TUSC3: variants seen among roughly 807,000 people sequenced by gnomAD.
TUSC3 encodes the protein dolichyl-diphosphooligosaccharide--protein glycosyltransferase subunit TUSC3.
In TUSC3, 45 loss-of-function variants were observed where a neutral mutation model predicts 44.8. The observed-to-expected ratio is 1.00, with a 90% CI of 0.79 to 1.29. The LOEUF (loss-of-function observed/expected upper bound fraction) is 1.29, where lower values mean the gene tolerates loss of function less well. Among genes scored for constraint, TUSC3 ranks in the 50% most tolerant of loss-of-function variants. The probability of loss-of-function intolerance (pLI) is 0.00; values close to 1 mark genes in which losing one functional copy is unlikely to be tolerated. For synonymous variants in TUSC3, 212 were observed against 152.9 expected (o/e 1.39, Z -2.85); for missense variants, 519 against 437.9 (o/e 1.19, Z -1.65).
chr8:15,683,381 T>C (rs772756684), intron 6 of TUSC3, among the ~76,000 whole-genome samples: 1 of 152,162 alleles, frequency 6.6e-6, no homozygotes, highest in Non-Finnish European at 1.5e-5. Context: ...TGGGTTGATT[T>C]GAAGGAGTGA....
At chr8:15,486,035 C>T (rs1282786885) in intron 2 of TUSC3, among the ~76,000 whole-genome samples, 1 of 152,080 alleles carries the variant, frequency 6.6e-6, no homozygotes, top group Admixed American at 6.6e-5. Flanking sequence ...CTTAAGTGAT[C>T]CATCCACCTT....
At chr8:15,474,262 CAT>C (rs371624274) in intron 1 of TUSC3, among the ~76,000 whole-genome samples, 231 of 152,232 alleles carry the variant, frequency 1.5e-3, no homozygotes, top group African/African-American at 5.4e-3. Context: ...GAACTGATTT[CAT>C]ATTGTTCAAA....
At chr8:15,571,911 A>T (rs537985317) in intron 1 of TUSC3, among the ~76,000 whole-genome samples, 29 of 152,252 alleles carry the variant, frequency 1.9e-4, no homozygotes, top group Admixed American at 1.7e-3. Flanking sequence ...TCAAATATTC[A>T]GTAAACTGTG....
chr8:15,731,780 A>G (rs1810735031), intron 7 of TUSC3, among the ~76,000 whole-genome samples: 1 of 152,068 alleles, frequency 6.6e-6, no homozygotes, highest in African/African-American at 2.4e-5. Flanking sequence ...AAGTTTTTGG[A>G]TTTTATTACT....
chr8:15,818,234 T>A, the TUSC3 span, among the ~76,000 whole-genome samples: 1 of 152,180 alleles, frequency 6.6e-6, no homozygotes, highest in Non-Finnish European at 1.5e-5. Flanking sequence ...ATGATAGTCA[T>A]CATTCTTTTT....
chr8:15,678,677 C>A (rs528978264), intron 6 of TUSC3, among the ~76,000 whole-genome samples: 2 of 152,120 alleles, frequency 1.3e-5, no homozygotes, highest in Non-Finnish European at 2.9e-5. Context: ...TGATGGAGTA[C>A]ATGTGCAGGT....
intron 1 of TUSC3, among the ~76,000 whole-genome samples, chr8:15,459,748 A>G (rs1273228216): frequency 2.6e-5 from 4 of 151,912 alleles, no homozygotes; most frequent in African/African-American, 9.7e-5. Flanking sequence ...AAATTACCTC[A>G]CTTAGAATAA....
chr8:15,589,790 G>A (rs1031954995), intron 1 of TUSC3, among the ~76,000 whole-genome samples: 1 of 152,068 alleles, frequency 6.6e-6, no homozygotes, highest in Non-Finnish European at 1.5e-5. Context: ...AATATAGTCA[G>A]TGTCCTACCA....
At chr8:15,787,532 T>C in the TUSC3 span, among the ~76,000 whole-genome samples, 1 of 152,332 alleles carries the variant, frequency 6.6e-6, no homozygotes, top group Middle Eastern at 3.4e-3. Flanking sequence ...ATGATGTCAA[T>C]GAAAACCTTA....
chr8:15,563,035 AT>A (rs929886475), intron 1 of TUSC3, among the ~76,000 whole-genome samples: 1 of 152,034 alleles, frequency 6.6e-6, no homozygotes, highest in Non-Finnish European at 1.5e-5. Flanking sequence ...ATTGGGGATT[AT>A]TTCATTTATG....
intron 1 of TUSC3, among the ~76,000 whole-genome samples, chr8:15,604,800 T>G (rs963137511): frequency 8.9e-5 from 8 of 89,752 alleles, no homozygotes; most frequent in South Asian, 2.8e-4. Flanking sequence ...TAGCCCTACA[T>G]TTTTTCTATA....
At chr8:15,799,152 G>A in the TUSC3 span, among the ~76,000 whole-genome samples, 156 of 152,222 alleles carry the variant, frequency 1.0e-3, no homozygotes, top group East Asian at 0.022. Context: ...CTCTAAGTCC[G>A]TGTAGGGTTG....
intron 6 of TUSC3, among the ~76,000 whole-genome samples, chr8:15,695,894 C>T (rs1282713128): frequency 1.3e-5 from 2 of 152,098 alleles, no homozygotes; most frequent in African/African-American, 2.4e-5. Context: ...AATTTCTCAG[C>T]AGCAAAGCAT....
chr8:15,690,675 T>C (rs1483553737), intron 6 of TUSC3, among the ~76,000 whole-genome samples: 1 of 152,192 alleles, frequency 6.6e-6, no homozygotes, highest in Non-Finnish European at 1.5e-5. Context: ...TTGATTTTTA[T>C]GTATAGTGTA....
intron 2 of TUSC3, among the ~76,000 whole-genome samples, chr8:15,504,596 TA>T (rs1563268512): frequency 9.2e-5 from 2 of 21,706 alleles, no homozygotes; most frequent in African/African-American, 3.9e-4. Context: ...TATATATATA[TA>T]TATATATATA....
intron 5 of TUSC3, among the ~76,000 whole-genome samples, chr8:15,666,338 A>G (rs1807660568): frequency 6.6e-6 from 1 of 151,564 alleles, no homozygotes; most frequent in Admixed American, 6.6e-5. Flanking sequence ...TTATTATCAC[A>G]GTAAATCACC....
At chr8:15,502,057 A>T (rs1013510553) in intron 2 of TUSC3, among the ~76,000 whole-genome samples, 2 of 152,150 alleles carry the variant, frequency 1.3e-5, no homozygotes, top group Non-Finnish European at 2.9e-5. Flanking sequence ...TACAACCATC[A>T]CTTATGTGTT....
intron 2 of TUSC3, among the ~76,000 whole-genome samples, chr8:15,497,209 G>A (rs1800894166): frequency 6.6e-6 from 1 of 152,166 alleles, no homozygotes; most frequent in Non-Finnish European, 1.5e-5. Context: ...CAGGGACTTG[G>A]TAGATAAATG....
chr8:15,574,086 A>C (rs1802996811), intron 1 of TUSC3, among the ~76,000 whole-genome samples: 1 of 152,128 alleles, frequency 6.6e-6, no homozygotes, highest in African/African-American at 2.4e-5. Context: ...TGGACCTAAC[A>C]AGAGAAGTTC....
Sources: gnomAD v4.1 joint callset for allele counts (sites outside exome capture counted in the v4.1 genomes callset) on GRCh38, gnomAD v4.1.1 for gene constraint, MANE v1.5 for transcripts, NCBI Gene and HGNC (gene_info 2026-07-23, HGNC 2026-07-21) for gene names.